The following FRYL variants were observed in gnomAD, a reference collection of about 807,000 sequenced individuals.
FRYL encodes the protein protein furry homolog-like.
Under a neutral mutation model 351.2 loss-of-function variants are expected in FRYL, and 150 were observed. The ratio of observed to expected loss-of-function variants is 0.43; its 90% CI spans 0.37 to 0.49. The LOEUF (loss-of-function observed/expected upper bound fraction) is 0.49. FRYL is among the 20% of genes least tolerant of loss of function. FRYL has a pLI of 0.00. For synonymous variants in FRYL, 1,153 were observed against 1,257.1 expected (o/e 0.92, Z 1.75); for missense variants, 3,036 against 3,619.3 (o/e 0.84, Z 4.13).
At chr4:48,637,148 C>T (rs185915911) in intron 3 of FRYL, 11 of 152,190 alleles carry the variant, frequency 7.2e-5, no homozygotes, top group Admixed American at 6.5e-4. Context: ...CACCCCCAAA[C>T]TGAAACAAGG....
intron 1 of FRYL, among the ~76,000 whole-genome samples, chr4:48,752,032 A>G (rs1369824036): frequency 1.3e-5 from 2 of 152,210 alleles, no homozygotes; most frequent in East Asian, 3.8e-4. Flanking sequence ...CCTCAATGAT[A>G]AGATGAGAGA....
At chr4:48,732,431 T>C (rs1404587384) in intron 1 of FRYL, among the ~76,000 whole-genome samples, 1 of 152,174 alleles carries the variant, frequency 6.6e-6, no homozygotes, top group African/African-American at 2.4e-5. Context: ...ACTGGGCATA[T>C]AACCAAAGGA....
At chr4:48,594,045 GCTA>G (rs1744086840) in intron 15 of FRYL, 29 bp from the exon 16 acceptor site, 1 of 1,131,338 alleles carries the variant, frequency 8.8e-7, no homozygotes, top group Admixed American at 3.1e-5. Context: ...CTTATAACTT[GCTA>G]CTATGTGTTA....
intron 3 of FRYL, among the ~76,000 whole-genome samples, chr4:48,654,809 C>T (rs575746867): frequency 3.3e-5 from 5 of 152,240 alleles, no homozygotes; most frequent in South Asian, 2.1e-4. Context: ...CTGTTAAAGC[C>T]TAACTGCTCT....
At chr4:48,653,563 A>G (rs1417637162) in intron 3 of FRYL, among the ~76,000 whole-genome samples, 1 of 152,196 alleles carries the variant, frequency 6.6e-6, no homozygotes, top group African/African-American at 2.4e-5. Flanking sequence ...TAGATTTTCT[A>G]TCTTACTGAT....
chr4:48,643,663 C>T (rs938230836), intron 3 of FRYL, among the ~76,000 whole-genome samples: 14 of 151,942 alleles, frequency 9.2e-5, no homozygotes, highest in Admixed American at 1.3e-4. Flanking sequence ...TAAATCGTTA[C>T]AAATATTAAA....
chr4:48,652,808 A>C (rs776587), intron 3 of FRYL, among the ~76,000 whole-genome samples: 1 of 152,350 alleles, frequency 6.6e-6, no homozygotes, highest in East Asian at 1.9e-4. Flanking sequence ...GATATTTTAT[A>C]CATTAGTTTG....
At chr4:48,578,033 G>A (rs1431515019) in intron 23 of FRYL, among the ~76,000 whole-genome samples, 1 of 151,076 alleles carries the variant, frequency 6.6e-6, no homozygotes, top group Non-Finnish European at 1.5e-5. Context: ...TGGGTAGGAA[G>A]TTTAAGAGAT....
intron 45 of FRYL, among the ~76,000 whole-genome samples, chr4:48,541,682 G>T (rs1415842306): frequency 6.6e-6 from 1 of 152,160 alleles, no homozygotes; most frequent in Non-Finnish European, 1.5e-5. Context: ...AGTGGGGAGA[G>T]AGGCTGCTGC....
rs2149317889 is a variant in FRYL at position 48,619,385 on chromosome 4, C to T, written c.315-15G>A. On this transcript the variant is annotated splice_polypyrimidine_tract_variant and intron_variant, in intron 6 of 63. Coordinates refer to ENST00000358350, the MANE Select transcript of FRYL (RefSeq NM_015030.2). ...GCTGTTCATCCCTGAAACAAGAATC[C>T]AAAATTAGTACTGCATTAAGATTAT... The T allele has an allele frequency of 6.8e-7, 1 of 1,464,912 alleles. No homozygotes were observed. Among genetic ancestry groups the T allele is most frequent in the Non-Finnish European group, 9.3e-7 (1 of 1,073,852 alleles). The allele number at this position is 1,464,912 out of a possible 1,614,324, so 90.7% of individuals were successfully genotyped here.
intron 11 of FRYL, among the ~76,000 whole-genome samples, chr4:48,603,661 G>C (rs143639176): frequency 6.6e-6 from 1 of 152,180 alleles, no homozygotes; most frequent in East Asian, 1.9e-4. Flanking sequence ...GCACTCAAAA[G>C]GGGCCCCTAT....
intron 1 of FRYL, among the ~76,000 whole-genome samples, chr4:48,739,433 T>G (rs1031179442): frequency 6.6e-5 from 10 of 150,972 alleles, no homozygotes; most frequent in Non-Finnish European, 1.2e-4. Context: ...AACTAATCTT[T>G]GAAAATGGAG....
chr4:48,669,006 T>C (rs1762215835), intron 3 of FRYL, among the ~76,000 whole-genome samples: 3 of 152,248 alleles, frequency 2.0e-5, no homozygotes, highest in African/African-American at 7.2e-5. Flanking sequence ...TAACCTATTC[T>C]ACTCTTCTTT....
Position 48,594,100 on chromosome 4 carries a change from C to T in FRYL, c.1249-84G>A, listed in dbSNP as rs1744096902. The T allele has an allele frequency of 5.3e-6, 4 of 748,008 alleles. No individual in the cohort carries two copies. In the Admixed American group the frequency reaches 1.1e-4, roughly 21 times the overall value. The allele number at this position is 748,008 out of a possible 1,614,324, so 46.3% of individuals were successfully genotyped here. On this transcript the variant is annotated intron_variant, in intron 15 of 63. Coordinates refer to ENST00000358350, the MANE Select transcript of FRYL (RefSeq NM_015030.2). ...TTATAAATATAATATACAATGACAA[C>T]AAGACAGGTTTGTGCCCTTAAAAAG...
At chr4:48,730,411 A>G (rs1770589737) in intron 1 of FRYL, among the ~76,000 whole-genome samples, 1 of 152,210 alleles carries the variant, frequency 6.6e-6, no homozygotes, top group South Asian at 2.1e-4. Context: ...CAAAAAGATC[A>G]ACCCCAAGCC....
intron 45 of FRYL, 21 bp downstream of exon 45, chr4:48,542,006 T>C: frequency 6.5e-7 from 1 of 1,532,668 alleles, no homozygotes; most frequent in Non-Finnish European, 9.0e-7. Flanking sequence ...CTATATTAGG[T>C]TGCCTGGTTT....
chr4:48,701,941 T>C (rs1425782313), intron 2 of FRYL, among the ~76,000 whole-genome samples: 1 of 152,196 alleles, frequency 6.6e-6, no homozygotes, highest in Non-Finnish European at 1.5e-5. Flanking sequence ...AATATAAGCA[T>C]TATTTGATGT....
chr4:48,676,689 C>A (rs1302010119), intron 3 of FRYL, among the ~76,000 whole-genome samples: 1 of 152,162 alleles, frequency 6.6e-6, no homozygotes, highest in African/African-American at 2.4e-5. Flanking sequence ...CTGCGCCTGG[C>A]CAAGTTTCAA....
chr4:48,759,091 G>C (rs1259016733), intron 1 of FRYL, among the ~76,000 whole-genome samples: 1 of 152,166 alleles, frequency 6.6e-6, no homozygotes. Flanking sequence ...TGGCGTTGGG[G>C]GAAGGGGGGA....
Sources: allele counts gnomAD v4.1 joint callset (sites outside exome capture counted in the v4.1 genomes callset), GRCh38; gene constraint gnomAD v4.1.1; transcripts MANE v1.5; gene names NCBI Gene and HGNC (gene_info 2026-07-23, HGNC 2026-07-21).